GNB1: variants seen among roughly 807,000 people sequenced by gnomAD.
GNB1 encodes the protein G protein subunit beta 1, also known as guanine nucleotide-binding protein G(I)/G(S)/G(T) subunit beta-1.
In GNB1, 2 loss-of-function variants were observed where a neutral mutation model predicts 42.9. The observed-to-expected ratio is 0.05, with a 90% CI of 0.02 to 0.15. The LOEUF is 0.15. Ranked by LOEUF, GNB1 falls within the 10% of genes least tolerant of loss-of-function variation. The probability of loss-of-function intolerance (pLI) is 1.00; values close to 1 mark genes in which losing one functional copy is unlikely to be tolerated. For missense variants in GNB1, 193 were observed against 462.2 expected (o/e 0.42, Z 5.34); for synonymous variants, 183 against 174.7 (o/e 1.05, Z -0.38).
intron 1 of GNB1, among the ~76,000 whole-genome samples, chr1:1,859,812 C>T (rs539364114): frequency 2.7e-5 from 4 of 150,856 alleles, no homozygotes; most frequent in African/African-American, 7.3e-5. Flanking sequence ...AGATCGAGAT[C>T]GACCATCCTT....
At chr1:1,812,714 G>C (rs558570629) in intron 5 of GNB1, among the ~76,000 whole-genome samples, 1 of 152,270 alleles carries the variant, frequency 6.6e-6, no homozygotes, top group African/African-American at 2.4e-5. Flanking sequence ...GTCCTGTTTT[G>C]TCAGCCCTTG....
At chr1:1,848,709 C>G (rs1191405248) in intron 1 of GNB1, among the ~76,000 whole-genome samples, 1 of 152,154 alleles carries the variant, frequency 6.6e-6, no homozygotes, top group Admixed American at 6.5e-5. Flanking sequence ...CAGTCAATAG[C>G]AGGCTATTAG....
chr1:1,840,283 C>CT (rs1266536072), intron 1 of GNB1, among the ~76,000 whole-genome samples: 3 of 151,178 alleles, frequency 2.0e-5, no homozygotes, highest in Non-Finnish European at 4.4e-5. Flanking sequence ...AATCCCAGCA[C>CT]TTTGGGAGAC....
At chr1:1,806,559 A>C in intron 5 of GNB1, 21 bp from the exon 6 acceptor site, 1 of 1,564,116 alleles carries the variant, frequency 6.4e-7, no homozygotes, top group Non-Finnish European at 8.8e-7. Context: ...AGACAAAAGC[A>C]AACCTATCAG....
Position 1,786,414 on chromosome 1 carries a change from T to C in GNB1, c.*649A>G. The C allele has an allele frequency of 4.4e-6, 1 of 229,796 alleles. No homozygotes were observed. Among genetic ancestry groups the C allele is most frequent in the Non-Finnish European group, 8.4e-6 (1 of 118,936 alleles). The allele number at this position is 229,796 out of a possible 1,614,324, so 14.2% of individuals were successfully genotyped here. A position where few individuals can be genotyped will look rare whatever the true frequency, so the allele number is the denominator to read the frequency against. On this transcript the variant is annotated 3_prime_UTR_variant, in exon 12 of 12. Transcript: ENST00000378609. ...TGCTTGGCCCCATGGCTTCTGAACA[T>C]GTTCTTTTCTATGCCACGTTTGTGT...
intron 5 of GNB1, 96 bp downstream of exon 5, chr1:1,815,660 G>A: frequency 1.4e-6 from 1 of 697,764 alleles, no homozygotes; most frequent in Non-Finnish European, 2.6e-6. Context: ...TTTCTTCACT[G>A]CACAGCACAG....
At chr1:1,821,240 C>T (rs573275473) in intron 3 of GNB1, among the ~76,000 whole-genome samples, 1 of 152,210 alleles carries the variant, frequency 6.6e-6, no homozygotes, top group Non-Finnish European at 1.5e-5. Context: ...TGCTCCCTTG[C>T]ACTGGCTGGC....
chr1:1,843,104 G>A (rs1219344898), intron 1 of GNB1, among the ~76,000 whole-genome samples: 1 of 152,192 alleles, frequency 6.6e-6, no homozygotes, highest in Non-Finnish European at 1.5e-5. Context: ...CTCTTCAACT[G>A]TCACAATTAT....
In GNB1 at chr1:1,787,309, G is replaced by C; in HGVS notation, c.*9+13C>G. On this transcript the variant is annotated intron_variant, in intron 11 of 11. Coordinates refer to ENST00000378609, the MANE Select transcript of GNB1 (RefSeq NM_002074.5). The surrounding 1 kb of genome is among the most constrained non-coding windows in gnomAD (Gnocchi z 4.4). ...GTTCTCCTCAGAGAAGGGCATTTGGGCTGCTGCATTACCTACTGGCGTTAG... is the reference window on the plus strand; with the variant it reads ...GTTCTCCTCAGAGAAGGGCATTTGGCCTGCTGCATTACCTACTGGCGTTAG... 1 of 1,341,440 alleles carries C rather than the reference G, an allele frequency of 7.5e-7. No homozygotes were observed. The highest frequency in any genetic ancestry group is 1.1e-6 in the Non-Finnish European group (1 of 933,014). The allele number at this position is 1,341,440 out of a possible 1,614,324, so 83.1% of individuals were successfully genotyped here.
At chr1:1,832,103 T>G (rs894546435) in intron 2 of GNB1, 1 of 151,200 alleles carries the variant, frequency 6.6e-6, no homozygotes, top group African/African-American at 2.4e-5. Context: ...AAAAATATAC[T>G]CACTTTAAAG....
At chr1:1,798,832 G>C (rs1289755506) in intron 7 of GNB1, among the ~76,000 whole-genome samples, 1 of 152,150 alleles carries the variant, frequency 6.6e-6, no homozygotes. Flanking sequence ...ATCCCGAGTA[G>C]CTGGGACTAC....
intron 2 of GNB1, among the ~76,000 whole-genome samples, chr1:1,826,992 G>A (rs1647008116): frequency 6.6e-6 from 1 of 152,146 alleles, no homozygotes; most frequent in Non-Finnish European, 1.5e-5. Flanking sequence ...TGCAAGTACG[G>A]CTTATGCAAG....
At chr1:1,828,377 C>T (rs963994642) in intron 2 of GNB1, among the ~76,000 whole-genome samples, 16 of 151,940 alleles carry the variant, frequency 1.1e-4, no homozygotes, top group African/African-American at 3.9e-4. Flanking sequence ...TGTGTAAAGG[C>T]CCAAATTCCA....
chr1:1,824,398 G>A (rs1186817849), intron 3 of GNB1, among the ~76,000 whole-genome samples: 3 of 152,006 alleles, frequency 2.0e-5, no homozygotes, highest in East Asian at 3.9e-4. Flanking sequence ...ACGAGATCGC[G>A]CCACTGCACT....
intron 1 of GNB1, among the ~76,000 whole-genome samples, chr1:1,875,936 C>T (rs1649521813): frequency 6.6e-6 from 1 of 152,218 alleles, no homozygotes; most frequent in South Asian, 2.1e-4. Flanking sequence ...CGAGGTCATA[C>T]TGAATTAGGG....
intron 1 of GNB1, among the ~76,000 whole-genome samples, chr1:1,882,215 A>AAGG (rs1175586063): frequency 1.3e-5 from 2 of 151,580 alleles, no homozygotes; most frequent in South Asian, 4.2e-4. Context: ...TTGGGAGGCC[A>AAGG]AGGAGTTCAA....
At chr1:1,854,743 T>C (rs1173287914) in intron 1 of GNB1, among the ~76,000 whole-genome samples, 1 of 152,130 alleles carries the variant, frequency 6.6e-6, no homozygotes, top group Non-Finnish European at 1.5e-5. Flanking sequence ...GTCATGTCTT[T>C]AAAAAATTAA....
Position 1,790,956 on chromosome 1 carries a change from C to T in GNB1, c.498-360G>A, listed in dbSNP as rs974596322. ...GCATGGAAGGGGTGGCAGGAAGCTA[C>T]GTGGAGGCCCTGGATGGCGGAGGGG... On this transcript the variant is annotated intron_variant, in intron 8 of 11. Coordinates refer to ENST00000378609, the MANE Select transcript of GNB1 (RefSeq NM_002074.5). This position sits in a 1 kb window ranked among gnomAD's most constrained non-coding sequence, Gnocchi z 5.4. 7.9e-5 allele frequency among the ~76,000 whole-genome samples: 12 copies of T among 152,086 alleles called. No individual in the cohort carries two copies. The highest frequency in any genetic ancestry group is 6.6e-4 in the Admixed American group (10 of 15,262).
chr1:1,864,334 AAAG>A (rs1343671803), intron 1 of GNB1, among the ~76,000 whole-genome samples: 2,162 of 129,736 alleles, frequency 0.017, 160 homozygotes, highest in East Asian at 0.035. Context: ...AAAAAAAAAA[AAAG>A]AAGAAAACCC....
Sources: allele counts gnomAD v4.1 joint callset (sites outside exome capture counted in the v4.1 genomes callset), GRCh38; gene constraint gnomAD v4.1.1; non-coding constraint Gnocchi (gnomAD v3.1); transcripts MANE v1.5; gene names NCBI Gene and HGNC (gene_info 2026-07-23, HGNC 2026-07-21).